The following FBXL2 variants were observed in gnomAD, a reference collection of about 807,000 sequenced individuals.
FBXL2 encodes the protein F-box and leucine rich repeat protein 2, also known as F-box/LRR-repeat protein 2.
A neutral mutation model predicts 69.2 loss-of-function variants in FBXL2; 38 were observed. The ratio of observed to expected loss-of-function variants is 0.55; its 90% CI spans 0.42 to 0.72. The LOEUF is 0.72. Among genes scored for constraint, FBXL2 ranks in the 30% least tolerant of loss-of-function variants. The pLI is 0.00. For missense variants in FBXL2, 354 were observed against 520.3 expected (o/e 0.68, Z 3.11); for synonymous variants, 192 against 201.3 (o/e 0.95, Z 0.39).
At chr3:33,344,976 G>GCCCCC (rs2040328938) in intron 2 of FBXL2, among the ~76,000 whole-genome samples, 1 of 152,202 alleles carries the variant, frequency 6.6e-6, no homozygotes, top group African/African-American at 2.4e-5. Flanking sequence ...CAACCTCCAT[G>GCCCCC]CCCAGATGGC....
chr3:33,312,222 A>G (rs2037273995), intron 2 of FBXL2, among the ~76,000 whole-genome samples: 2 of 151,726 alleles, frequency 1.3e-5, no homozygotes. Flanking sequence ...ACACCTGGCT[A>G]ATTTTTAAAT....
At chr3:33,319,740 AATATC>A (rs2038036630) in intron 2 of FBXL2, among the ~76,000 whole-genome samples, 1 of 152,220 alleles carries the variant, frequency 6.6e-6, no homozygotes, top group South Asian at 2.1e-4. Context: ...AAAAAATTGA[AATATC>A]AAAGCATTTC....
chr3:33,320,759 G>C (rs904635851), intron 2 of FBXL2, among the ~76,000 whole-genome samples: 1 of 151,996 alleles, frequency 6.6e-6, no homozygotes, highest in South Asian at 2.1e-4. Flanking sequence ...GATTACAGGC[G>C]TGAGCCACCA....
chr3:33,330,885 TCACA>T (rs1165037961), intron 2 of FBXL2, among the ~76,000 whole-genome samples: 1 of 150,448 alleles, frequency 6.6e-6, no homozygotes, highest in Non-Finnish European at 1.5e-5. Flanking sequence ...CGAGACTCTG[TCACA>T]CACACACAAA....
intron 1 of FBXL2, among the ~76,000 whole-genome samples, chr3:33,282,860 G>T (rs540307121): frequency 1.3e-5 from 2 of 152,200 alleles, no homozygotes; most frequent in Admixed American, 6.5e-5. Flanking sequence ...TCTGTTATTG[G>T]TATATAGGAA....
At chr3:33,415,108 C>A in the FBXL2 span, among the ~76,000 whole-genome samples, 6 of 152,180 alleles carry the variant, frequency 3.9e-5, no homozygotes, top group Admixed American at 1.3e-4. Context: ...ACCCTGCCAT[C>A]CCAAGTTAAT....
At chr3:33,376,359 G>A (rs961231458) in intron 10 of FBXL2, among the ~76,000 whole-genome samples, 2 of 151,948 alleles carry the variant, frequency 1.3e-5, no homozygotes, top group African/African-American at 2.4e-5. Context: ...CCATTCCCAC[G>A]CTCACACCAG....
rs61654235 is a variant in FBXL2, at chr3:33,395,750, GAAAAA to G, written n.1215-7465_1215-7461del. 5.4e-3 allele frequency among the ~76,000 whole-genome samples: 374 copies of G among 69,806 alleles called. 2 individuals carry two copies. Among genetic ancestry groups the G allele is most frequent in the African/African-American group, 0.021 (333 of 15,998 alleles). The allele number at this position is 69,806 out of a possible 152,430, so 45.8% of individuals were successfully genotyped here. On this transcript the variant is annotated intron_variant and non_coding_transcript_variant, in intron 12 of 12. Coordinates refer to the FBXL2 transcript ENST00000463736. ...CTCCCCATACCTAGTCAGGAAAATTGAAAAAAAAAAAAAAAAAAAAAAAGAAAAAG... is the reference window on the plus strand; with the variant it reads ...CTCCCCATACCTAGTCAGGAAAATTGAAAAAAAAAAAAAAAAAAGAAAAAG...
chr3:33,332,627 G>C (rs1205452114), intron 2 of FBXL2, among the ~76,000 whole-genome samples: 1 of 152,222 alleles, frequency 6.6e-6, no homozygotes, highest in Non-Finnish European at 1.5e-5. Context: ...TTTTGCAGTT[G>C]TGTGAACACT....
At chr3:33,392,344 GAATT>G (rs1382946583), downstream of FBXL2, 34 of 464,106 alleles carry the variant, frequency 7.3e-5, no homozygotes, top group Non-Finnish European at 1.2e-4. Context: ...TTGGCTGAAT[GAATT>G]GAGATTTTTT....
At chr3:33,409,613 T>C in the FBXL2 span, 2 of 1,614,138 alleles carry the variant, frequency 1.2e-6, no homozygotes, top group Non-Finnish European at 1.7e-6. Flanking sequence ...TATAAAACGA[T>C]TCAGGCTGAA....
chr3:33,335,836 T>G (rs2039534744), intron 2 of FBXL2, among the ~76,000 whole-genome samples: 1 of 152,104 alleles, frequency 6.6e-6, no homozygotes, highest in South Asian at 2.1e-4. Context: ...GATGACAGAG[T>G]GAGACCCTGT....
the FBXL2 span, chr3:33,409,355 C>T: frequency 6.2e-7 from 1 of 1,614,036 alleles, no homozygotes; most frequent in Admixed American, 1.7e-5. Flanking sequence ...GGCTTAAAAA[C>T]AAAGTATACT....
chr3:33,397,676 C>T (rs977977991), intron 12 of FBXL2: 1 of 152,092 alleles, frequency 6.6e-6, no homozygotes, highest in Non-Finnish European at 1.5e-5. Context: ...ATAAACAACT[C>T]TGTCACAGCA....
intron 4 of FBXL2, among the ~76,000 whole-genome samples, chr3:33,363,955 G>A (rs182759946): frequency 9.2e-5 from 14 of 152,174 alleles, no homozygotes; most frequent in South Asian, 8.3e-4. Flanking sequence ...GCACCAAAGC[G>A]AGACCCCCCA....
intron 2 of FBXL2, among the ~76,000 whole-genome samples, chr3:33,356,609 A>G (rs2041222808): frequency 6.6e-6 from 1 of 152,060 alleles, no homozygotes; most frequent in African/African-American, 2.4e-5. Flanking sequence ...CAGCCTCCCA[A>G]AGTGCTGAGA....
intron 12 of FBXL2, among the ~76,000 whole-genome samples, chr3:33,399,461 T>G (rs980234831): frequency 6.6e-6 from 1 of 152,130 alleles, no homozygotes; most frequent in Non-Finnish European, 1.5e-5. Context: ...ACTCAGACTA[T>G]GAAACACTAC....
chr3:33,401,010 A>G (rs1322300376), intron 12 of FBXL2: 1 of 1,592,724 alleles, frequency 6.3e-7, no homozygotes, highest in East Asian at 2.3e-5. Context: ...TTGGGGAAGA[A>G]GAATTGCTGG....
At chr3:33,298,969 A>G (rs1305100811) in intron 2 of FBXL2, among the ~76,000 whole-genome samples, 1 of 151,894 alleles carries the variant, frequency 6.6e-6, no homozygotes, top group Non-Finnish European at 1.5e-5. Context: ...CGATGATACA[A>G]GTTGGGTAAT....
Sources: gnomAD v4.1 joint callset for allele counts (sites outside exome capture counted in the v4.1 genomes callset) on GRCh38, gnomAD v4.1.1 for gene constraint, MANE v1.5 for transcripts, NCBI Gene and HGNC (gene_info 2026-07-23, HGNC 2026-07-21) for gene names.